The following ADGRL3 variants were observed in gnomAD, a reference collection of about 807,000 sequenced individuals.
The protein encoded by ADGRL3 is adhesion G protein-coupled receptor L3, also known as calcium-independent alpha-latrotoxin receptor 3.
ADGRL3 carries 62 observed loss-of-function variants against 153.5 expected under a neutral mutation model. The ratio of observed to expected loss-of-function variants is 0.40; its 90% CI spans 0.33 to 0.50. The LOEUF (loss-of-function observed/expected upper bound fraction) is 0.50. Ranked by LOEUF, ADGRL3 falls within the 20% of genes least tolerant of loss-of-function variation. The pLI is 0.47. For missense variants in ADGRL3, 1,641 were observed against 1,859.4 expected, an observed-to-expected ratio of 0.88 and a Z score of 2.16; for synonymous variants, 710 against 672.5, an observed-to-expected ratio of 1.06 and a Z score of -0.86.
intron 11 of ADGRL3, among the ~76,000 whole-genome samples, chr4:61,902,328 G>A (rs889622653): frequency 6.6e-6 from 1 of 152,090 alleles, no homozygotes; most frequent in Non-Finnish European, 1.5e-5. Flanking sequence ...CCTGTCAGGT[G>A]TAACTGTAAA....
chr4:61,583,578 A>G (rs2098934660), intron 4 of ADGRL3: 1 of 478,004 alleles, frequency 2.1e-6, no homozygotes, highest in Non-Finnish European at 4.1e-6. Flanking sequence ...ATATGTGATC[A>G]AAAGCACTTT....
chr4:61,961,120 C>A (rs1236833005), intron 17 of ADGRL3, among the ~76,000 whole-genome samples: 1 of 152,102 alleles, frequency 6.6e-6, no homozygotes, highest in Non-Finnish European at 1.5e-5. Flanking sequence ...GTATCTAGAG[C>A]TAGTTCTTAA....
At chr4:62,035,375 G>T (rs998467121) in intron 23 of ADGRL3, among the ~76,000 whole-genome samples, 9 of 151,830 alleles carry the variant, frequency 5.9e-5, no homozygotes, top group Non-Finnish European at 1.3e-4. Flanking sequence ...TCTCTTCTTT[G>T]CCTTTATTCC....
intron 1 of ADGRL3, among the ~76,000 whole-genome samples, chr4:61,366,004 A>T (rs2096388752): frequency 6.6e-6 from 1 of 152,182 alleles, no homozygotes; most frequent in South Asian, 2.1e-4. Context: ...AACTGGTCTG[A>T]ACTAGAGTTT....
intron 13 of ADGRL3, 24 bp from the exon 14 acceptor site, chr4:61,934,816 G>T: frequency 1.2e-6 from 2 of 1,602,302 alleles, no homozygotes; most frequent in South Asian, 2.2e-5. Context: ...AGAGACCTCT[G>T]TCATTCTTTT....
intron 1 of ADGRL3, among the ~76,000 whole-genome samples, chr4:61,359,224 A>T (rs1408570901): frequency 6.6e-6 from 1 of 152,156 alleles, no homozygotes. Flanking sequence ...ATTATTGTGT[A>T]TCTTTGCAAC....
At chr4:61,828,421 G>A (rs922479774) in intron 9 of ADGRL3, among the ~76,000 whole-genome samples, 21 of 152,158 alleles carry the variant, frequency 1.4e-4, no homozygotes, top group African/African-American at 4.3e-4. Context: ...CGCAGGGTGC[G>A]GGGGATGGGG....
chr4:61,308,115 A>G (rs1392987335), intron 1 of ADGRL3, among the ~76,000 whole-genome samples: 2 of 152,198 alleles, frequency 1.3e-5, no homozygotes, highest in Non-Finnish European at 1.5e-5. Context: ...GCTTATGAGC[A>G]TGCAGACCTA....
intron 2 of ADGRL3, among the ~76,000 whole-genome samples, chr4:61,443,474 A>T (rs2097548385): frequency 6.6e-6 from 1 of 152,172 alleles, no homozygotes; most frequent in African/African-American, 2.4e-5. Flanking sequence ...TAAGTTATTT[A>T]TGGTTTTTAT....
intron 13 of ADGRL3, among the ~76,000 whole-genome samples, chr4:61,927,566 A>G (rs2098799783): frequency 1.3e-5 from 2 of 152,112 alleles, no homozygotes; most frequent in Admixed American, 6.5e-5. Context: ...TATATACTTA[A>G]TAATATTAAA....
intron 4 of ADGRL3, among the ~76,000 whole-genome samples, chr4:61,558,907 C>A (rs1410330309): frequency 6.6e-6 from 1 of 152,008 alleles, no homozygotes; most frequent in African/African-American, 2.4e-5. Context: ...TTTCATTGGG[C>A]AGATGACTTA....
chr4:61,233,217 A>C (rs1055398056), intron 1 of ADGRL3, among the ~76,000 whole-genome samples: 1 of 152,176 alleles, frequency 6.6e-6, no homozygotes, highest in Admixed American at 6.5e-5. Context: ...GAGCTTCCAC[A>C]TACATACTTT....
intron 9 of ADGRL3, among the ~76,000 whole-genome samples, chr4:61,873,876 C>T (rs929678307): frequency 2.0e-5 from 3 of 151,824 alleles, no homozygotes; most frequent in African/African-American, 7.3e-5. Flanking sequence ...GCTAAACATC[C>T]TACAATGCAA....
At chr4:61,468,051 C>T (rs760095225) in intron 2 of ADGRL3, among the ~76,000 whole-genome samples, 7 of 152,102 alleles carry the variant, frequency 4.6e-5, no homozygotes, top group Non-Finnish European at 1.0e-4. Context: ...TTGTAAAAAT[C>T]GCTTTAGGCC....
At chr4:61,740,334 T>C (rs1488774956) in intron 8 of ADGRL3, among the ~76,000 whole-genome samples, 1 of 152,212 alleles carries the variant, frequency 6.6e-6, no homozygotes, top group Non-Finnish European at 1.5e-5. Context: ...GATTCTCACA[T>C]GAGCATCATA....
chr4:62,065,434 G>A (rs1742485461), intron 25 of ADGRL3, among the ~76,000 whole-genome samples: 1 of 151,898 alleles, frequency 6.6e-6, no homozygotes, highest in African/African-American at 2.4e-5. Context: ...ACCCTATAAA[G>A]GCTTGTTTTA....
At chr4:61,442,296 A>T (rs1434546307) in intron 2 of ADGRL3, among the ~76,000 whole-genome samples, 1 of 152,208 alleles carries the variant, frequency 6.6e-6, no homozygotes, top group Non-Finnish European at 1.5e-5. Context: ...TAACTTTTGG[A>T]GGAATGACTA....
chr4:61,688,485 T>G (rs2095485184), intron 6 of ADGRL3, among the ~76,000 whole-genome samples: 1 of 152,100 alleles, frequency 6.6e-6, no homozygotes, highest in Non-Finnish European at 1.5e-5. Context: ...GATAATCAAT[T>G]TACAGAGTTT....
intron 9 of ADGRL3, among the ~76,000 whole-genome samples, chr4:61,816,531 C>A (rs2097690215): frequency 6.6e-6 from 1 of 152,112 alleles, no homozygotes; most frequent in Admixed American, 6.5e-5. Flanking sequence ...AGCCACACTT[C>A]AAAGGACCAT....
Sources: allele counts gnomAD v4.1 joint callset (sites outside exome capture counted in the v4.1 genomes callset), GRCh38; gene constraint gnomAD v4.1.1; transcripts MANE v1.5; gene names NCBI Gene and HGNC (gene_info 2026-07-23, HGNC 2026-07-21).